The following DGKB variants were observed in gnomAD, a reference collection of about 807,000 sequenced individuals.
DGKB encodes 90 kDa diacylglycerol kinase.
In DGKB, 67 loss-of-function variants were observed where a neutral mutation model predicts 114.3. The ratio of observed to expected loss-of-function variants is 0.59; its 90% confidence interval spans 0.48 to 0.72. The LOEUF is 0.72. DGKB is among the 30% of genes least tolerant of loss of function. DGKB has a pLI of 0.00. For synonymous variants in DGKB, 398 were observed against 323.1 expected, an observed-to-expected ratio of 1.23 and a Z score of -2.49; for missense variants, 907 against 975.2, an observed-to-expected ratio of 0.93 and a Z score of 0.93.
intron 23 of DGKB, among the ~76,000 whole-genome samples, chr7:14,282,813 C>T (rs991175455): frequency 3.9e-5 from 6 of 152,122 alleles, no homozygotes. Context: ...AATTCAACAA[C>T]CTTTCATGCT....
At chr7:14,694,310 C>G (rs1487460912) in intron 8 of DGKB, 116 bp from the exon 9 acceptor site, 1 of 901,444 alleles carries the variant, frequency 1.1e-6, no homozygotes, top group East Asian at 2.7e-5. Context: ...AACTGTCTTG[C>G]TAACTCAGTA....
chr7:14,594,801 T>C (rs1159497327), intron 17 of DGKB, among the ~76,000 whole-genome samples: 3 of 152,210 alleles, frequency 2.0e-5, no homozygotes, highest in Non-Finnish European at 4.4e-5. Flanking sequence ...TCTAGACTTC[T>C]ATAGGGAAAA....
chr7:14,576,903 T>C lies in DGKB; in HGVS notation c.1610-2531A>G, dbSNP rs1799208509. On this transcript the variant is annotated intron_variant, in intron 19 of 25. Coordinates refer to ENST00000402815, the MANE Select transcript of DGKB (RefSeq NM_001350709.2). ...GTAGAAAGAGGCAATAAATAAATCT[T>C]GAGAATTACAACATCTGCAATTCAG... 3.3e-5 allele frequency among the ~76,000 whole-genome samples: 5 copies of C among 152,204 alleles called. No homozygotes were observed. In the South Asian group the frequency reaches 1.0e-3, roughly 31 times the overall value.
chr7:14,390,424 T>C (rs745423839), intron 21 of DGKB, among the ~76,000 whole-genome samples: 48 of 152,320 alleles, frequency 3.2e-4, no homozygotes, highest in Middle Eastern at 3.4e-3. Context: ...TAAAAGACCA[T>C]TCCTTGAAGA....
intron 14 of DGKB, among the ~76,000 whole-genome samples, chr7:14,627,820 A>G (rs1023065311): frequency 1.3e-4 from 20 of 151,758 alleles, no homozygotes; most frequent in African/African-American, 4.8e-4. Context: ...ACGTGCGCCT[A>G]TGATCCCAGC....
chr7:14,967,207 G>A (rs1284134355), intron 1 of DGKB, among the ~76,000 whole-genome samples: 1 of 152,118 alleles, frequency 6.6e-6, no homozygotes, highest in Non-Finnish European at 1.5e-5. Context: ...ATCCATATGT[G>A]CTGGAGAAAA....
intron 9 of DGKB, among the ~76,000 whole-genome samples, chr7:14,685,936 C>A (rs568707371): frequency 6.6e-6 from 1 of 152,002 alleles, no homozygotes; most frequent in Non-Finnish European, 1.5e-5. Flanking sequence ...TACTATATTC[C>A]AATTTATATT....
chr7:14,832,915 A>G (rs1278429174), intron 2 of DGKB, among the ~76,000 whole-genome samples: 1 of 152,114 alleles, frequency 6.6e-6, no homozygotes, highest in African/African-American at 2.4e-5. Flanking sequence ...TATCGAATTT[A>G]TATCTCAATC....
intron 5 of DGKB, among the ~76,000 whole-genome samples, chr7:14,734,682 T>A (rs909157947): frequency 6.6e-6 from 1 of 152,218 alleles, no homozygotes. Context: ...AAAATAGTTA[T>A]TTTTCATAAT....
chr7:14,765,855 C>T lies in DGKB; in HGVS notation c.71-8124G>A, dbSNP rs182245674. 4.4e-3 allele frequency among the ~76,000 whole-genome samples: 668 copies of T among 151,936 alleles called. 7 individuals are homozygous for T. The highest frequency in any genetic ancestry group is 0.015 in the African/African-American group (625 of 41,484). On this transcript the variant is annotated intron_variant, in intron 2 of 25. Coordinates refer to ENST00000402815, the MANE Select transcript of DGKB (RefSeq NM_001350709.2). ...TTGACTGGTGTGGACCAATAGTGTG[C>T]TGGTAAATGTTTAACAACTCTTTGG...
chr7:14,235,107 T>C (rs753162894), intron 23 of DGKB, among the ~76,000 whole-genome samples: 1 of 152,040 alleles, frequency 6.6e-6, no homozygotes, highest in Non-Finnish European at 1.5e-5. Flanking sequence ...TAGACCTGAG[T>C]ACTAACAGGG....
intron 2 of DGKB, among the ~76,000 whole-genome samples, chr7:14,780,346 C>T (rs1032044894): frequency 1.3e-5 from 2 of 152,156 alleles, no homozygotes; most frequent in Non-Finnish European, 2.9e-5. Flanking sequence ...TCTTCGCCCA[C>T]CCTAAAAAAC....
chr7:14,393,560 T>C (rs1821765476), intron 21 of DGKB, among the ~76,000 whole-genome samples: 1 of 151,944 alleles, frequency 6.6e-6, no homozygotes, highest in African/African-American at 2.4e-5. Context: ...GAGAATTCAT[T>C]ATCTGGCCTT....
chr7:14,861,643 T>G (rs1206199971), intron 1 of DGKB, among the ~76,000 whole-genome samples: 1 of 151,996 alleles, frequency 6.6e-6, no homozygotes, highest in Non-Finnish European at 1.5e-5. Flanking sequence ...CATTATGTTT[T>G]TATGATTATC....
chr7:14,534,507 G>A, intron 20 of DGKB, among the ~76,000 whole-genome samples: 1 of 152,164 alleles, frequency 6.6e-6, no homozygotes, highest in East Asian at 1.9e-4. Flanking sequence ...AAGACATAGA[G>A]TAGATGAATG....
intron 1 of DGKB, among the ~76,000 whole-genome samples, chr7:14,864,313 C>T (rs1851412133): frequency 1.3e-5 from 2 of 152,000 alleles, no homozygotes; most frequent in South Asian, 4.2e-4. Flanking sequence ...TAAAAACAAA[C>T]ATACACATGC....
Position 14,792,678 on chromosome 7 carries a change from C to A in DGKB, c.71-34947G>T, listed in dbSNP as rs538835936. On this transcript the variant is annotated intron_variant, in intron 2 of 25. Transcript: ENST00000402815. ...CAAAGTTTGAAGATTATTTTGCAAA[C>A]GTAAGTTAAAATATGTTTTGCTTGC... Among the ~76,000 whole-genome samples, 40 of 152,172 alleles carry A rather than the reference C, an allele frequency of 2.6e-4. No homozygotes were observed. The South Asian group carries it at 5.6e-3, about 21-fold the overall frequency.
At chr7:14,530,265 A>G (rs1398306259) in intron 20 of DGKB, among the ~76,000 whole-genome samples, 11 of 151,730 alleles carry the variant, frequency 7.2e-5, no homozygotes, top group Admixed American at 7.2e-4. Context: ...GAAGCATACA[A>G]AAAGAGAAAA....
intron 23 of DGKB, among the ~76,000 whole-genome samples, chr7:14,245,670 G>A (rs2128377510): frequency 6.6e-6 from 1 of 152,300 alleles, no homozygotes; most frequent in South Asian, 2.1e-4. Context: ...GCTGACGCCT[G>A]TAATCCTAGC....
Sources: allele counts gnomAD v4.1 joint callset (sites outside exome capture counted in the v4.1 genomes callset), GRCh38; gene constraint gnomAD v4.1.1; transcripts MANE v1.5; gene names NCBI Gene and HGNC (gene_info 2026-07-23, HGNC 2026-07-21).